The following VAV1 variants were observed in gnomAD, a reference collection of about 807,000 sequenced individuals.
The protein encoded by VAV1 is proto-oncogene vav.
Under a neutral mutation model 128.1 loss-of-function variants are expected in VAV1, and 33 were observed. That is an observed-to-expected ratio of 0.26 (90% CI 0.20 to 0.34). The LOEUF (loss-of-function observed/expected upper bound fraction) is 0.34. VAV1 is among the 10% of genes least tolerant of loss of function. The pLI, the probability that VAV1 is intolerant of heterozygous loss-of-function variation, is 1.00. For missense variants in VAV1, 715 were observed against 1,093.7 expected (o/e 0.65, Z 4.88); for synonymous variants, 394 against 409.8 (o/e 0.96, Z 0.47).
chr19:6,856,913 T>C (rs552861419), intron 26 of VAV1, 141 bp from the exon 27 acceptor site: 20 of 681,924 alleles, frequency 2.9e-5, no homozygotes, highest in Admixed American at 4.7e-5. Flanking sequence ...CTTGTGTACG[T>C]TGGGTGATGT....
At chr19:6,853,845 G>T in intron 25 of VAV1, 102 bp from the exon 26 acceptor site, 2 of 1,464,284 alleles carry the variant, frequency 1.4e-6, no homozygotes, top group Non-Finnish European at 1.8e-6. Context: ...GAGCACTGAG[G>T]AGCCCTTTAT....
intron 15 of VAV1, 45 bp downstream of exon 15, chr19:6,832,245 G>A (rs1396221215): frequency 5.7e-6 from 9 of 1,589,730 alleles, no homozygotes; most frequent in Non-Finnish European, 7.8e-6. Context: ...AGAGGGGCAG[G>A]GGCTGGGAAG....
chr19:6,789,467 G>C (rs1208358191), intron 1 of VAV1, among the ~76,000 whole-genome samples: 1 of 152,098 alleles, frequency 6.6e-6, no homozygotes, highest in Non-Finnish European at 1.5e-5. Context: ...TAGCCAGGAT[G>C]GTCTCAATTT....
chr19:6,833,191 A>G lies in VAV1; in HGVS notation c.1516A>G (p.Ile506Val). 1 of 1,603,224 alleles carries G rather than the reference A, an allele frequency of 6.2e-7. No individual in the cohort carries two copies. The highest frequency in any genetic ancestry group is 8.5e-7 in the Non-Finnish European group (1 of 1,176,962). ...MEQFEMAISN[I>V]YPENATANGH... Reference sequence around the variant, plus strand: ...TTAATTTTCCCCTGCCAGCTCCAACATCTATCCGGAGAATGCCACCGCCAA... The same window carrying G: ...TTAATTTTCCCCTGCCAGCTCCAACGTCTATCCGGAGAATGCCACCGCCAA... Residue 506 changes from isoleucine to valine, a missense_variant, in exon 16 of 27, where the codon ATC becomes GTC. Ile to Val is a conservative substitution (Grantham distance 29). Transcript: ENST00000602142.
intron 1 of VAV1, among the ~76,000 whole-genome samples, chr19:6,815,099 G>C (rs1971617495): frequency 6.6e-6 from 1 of 152,060 alleles, no homozygotes. Flanking sequence ...CTAGAATTTA[G>C]TAACGTTGTT....
At chr19:6,784,214 A>G (rs1970834067) in intron 1 of VAV1, 4 of 653,940 alleles carry the variant, frequency 6.1e-6, no homozygotes, top group Non-Finnish European at 8.4e-6. Context: ...TGATTGTGCT[A>G]CCACTGTACT....
chr19:6,793,600 C>A (rs1306911713), intron 1 of VAV1, among the ~76,000 whole-genome samples: 5 of 152,036 alleles, frequency 3.3e-5, no homozygotes, highest in African/African-American at 1.2e-4. Context: ...AAAAGGCAGT[C>A]CTCCAGAACA....
At chr19:6,821,054 GA>G (rs1453729144) in intron 2 of VAV1, among the ~76,000 whole-genome samples, 3 of 152,158 alleles carry the variant, frequency 2.0e-5, no homozygotes, top group Non-Finnish European at 4.4e-5. Flanking sequence ...TTTCTCATCT[GA>G]AATATGGGAA....
At chr19:6,786,942 A>G (rs1956646262) in intron 1 of VAV1, among the ~76,000 whole-genome samples, 1 of 152,166 alleles carries the variant, frequency 6.6e-6, no homozygotes, top group South Asian at 2.1e-4. Context: ...TGATCCCTGA[A>G]AGTAGAGTCT....
At chr19:6,798,244 T>A (rs578087723) in intron 1 of VAV1, among the ~76,000 whole-genome samples, 8 of 152,076 alleles carry the variant, frequency 5.3e-5, no homozygotes, top group Non-Finnish European at 1.2e-4. Context: ...ATCATTGCAC[T>A]CCAGCCTGGG....
intron 1 of VAV1, among the ~76,000 whole-genome samples, chr19:6,786,159 C>T (rs1471650105): frequency 6.6e-6 from 1 of 152,116 alleles, no homozygotes; most frequent in African/African-American, 2.4e-5. Flanking sequence ...GTCTATTTTA[C>T]GTCCCCCAGT....
chr19:6,804,726 T>A (rs1971350088), intron 1 of VAV1, among the ~76,000 whole-genome samples: 1 of 105,886 alleles, frequency 9.4e-6, no homozygotes, highest in Non-Finnish European at 2.0e-5. Flanking sequence ...CCATACCTCC[T>A]TTTTTTTTTT....
rs753703343 is a variant in VAV1 at position 6,822,376 on chromosome 19, C to A, written c.559-43C>A. The A allele has an allele frequency of 1.9e-5, 29 of 1,552,362 alleles. No individual in the cohort carries two copies. Among genetic ancestry groups the A allele is most frequent in the Middle Eastern group, 2.0e-4 (1 of 5,032 alleles). On this transcript the variant is annotated intron_variant, in intron 5 of 26. Transcript: ENST00000602142. This position sits in a 1 kb window ranked among gnomAD's most constrained non-coding sequence, Gnocchi z 5.9. ...GCCTGGGGAGGGCGTGGGCGGGGGGCAGCCCCAGGCCCCCCAACACCGGCC... is the reference window on the plus strand; with the variant it reads ...GCCTGGGGAGGGCGTGGGCGGGGGGAAGCCCCAGGCCCCCCAACACCGGCC...
intron 9 of VAV1, among the ~76,000 whole-genome samples, chr19:6,827,353 G>A (rs1483818627): frequency 6.6e-6 from 1 of 151,812 alleles, no homozygotes; most frequent in African/African-American, 2.4e-5. Flanking sequence ...CCACAGCCTC[G>A]ACCTCCTGGA....
chr19:6,785,624 A>G (rs961180100), intron 1 of VAV1, among the ~76,000 whole-genome samples: 1 of 148,624 alleles, frequency 6.7e-6, no homozygotes, highest in African/African-American at 2.5e-5. Flanking sequence ...GAGCCACTGC[A>G]CATGGTCAGT....
At chr19:6,842,318 A>G (rs1290020136) in intron 21 of VAV1, among the ~76,000 whole-genome samples, 1 of 152,206 alleles carries the variant, frequency 6.6e-6, no homozygotes, top group African/African-American at 2.4e-5. Context: ...GAGGGTTGGT[A>G]AACTTTTTCT....
At chr19:6,852,873 T>A (rs892672199) in intron 24 of VAV1, 92 bp from the exon 25 acceptor site, 27 of 972,228 alleles carry the variant, frequency 2.8e-5, no homozygotes, top group Non-Finnish European at 4.1e-5. Flanking sequence ...AGGGCCTGCT[T>A]CATGTGAGGA....
chr19:6,802,650 C>T (rs1488557297), intron 1 of VAV1, among the ~76,000 whole-genome samples: 1 of 152,186 alleles, frequency 6.6e-6, no homozygotes, highest in Non-Finnish European at 1.5e-5. Flanking sequence ...TGGTGATCTG[C>T]CTGCCCATGA....
chr19:6,847,964 C>T (rs1397409325), intron 22 of VAV1, 34 bp from the exon 23 acceptor site: 2 of 1,450,716 alleles, frequency 1.4e-6, no homozygotes, highest in Admixed American at 5.8e-5. Flanking sequence ...GGCACGGGGA[C>T]CGTGCCACCT....
Sources: gnomAD v4.1 joint callset for allele counts (sites outside exome capture counted in the v4.1 genomes callset) on GRCh38, gnomAD v4.1.1 for gene constraint, Gnocchi (gnomAD v3.1) non-coding constraint, MANE v1.5 for transcripts, NCBI Gene and HGNC (gene_info 2026-07-23, HGNC 2026-07-21) for gene names.